STK32A: variants seen among roughly 807,000 people sequenced by gnomAD.
The protein encoded by STK32A is serine/threonine-protein kinase 32A.
In STK32A, 41 loss-of-function variants were observed where a neutral mutation model predicts 53.2. That is an observed-to-expected ratio of 0.77 (90% CI 0.60 to 1.00). STK32A has a LOEUF of 1.00. Among genes scored for constraint, STK32A ranks in the 50% least tolerant of loss-of-function variants. The pLI is 0.00. For synonymous variants in STK32A, 166 were observed against 162.8 expected (o/e 1.02, Z -0.15); for missense variants, 458 against 485.8 (o/e 0.94, Z 0.54).
At chr5:147,328,051 C>A (rs1467031418) in intron 5 of STK32A, among the ~76,000 whole-genome samples, 1 of 152,156 alleles carries the variant, frequency 6.6e-6, no homozygotes, top group African/African-American at 2.4e-5. Context: ...AAACTAGAAG[C>A]TAAATTGTGT....
At chr5:147,400,500 AG>A in the STK32A span, among the ~76,000 whole-genome samples, 1 of 152,228 alleles carries the variant, frequency 6.6e-6, no homozygotes, top group African/African-American at 2.4e-5. Flanking sequence ...TCAGAATGCT[AG>A]GCCTTAGGAT....
chr5:147,299,002 C>T (rs1753000747), intron 4 of STK32A, among the ~76,000 whole-genome samples: 1 of 152,050 alleles, frequency 6.6e-6, no homozygotes, highest in Admixed American at 6.6e-5. Flanking sequence ...TACAGGAAAG[C>T]AGTCCTGATC....
At chr5:147,348,793 G>T in intron 6 of STK32A, 1 of 731,094 alleles carries the variant, frequency 1.4e-6, no homozygotes, top group South Asian at 1.5e-5. Flanking sequence ...TTCTGATAAT[G>T]ACGGATATCA....
intron 6 of STK32A, among the ~76,000 whole-genome samples, chr5:147,344,212 C>T (rs1366691514): frequency 6.6e-6 from 1 of 152,138 alleles, no homozygotes; most frequent in Non-Finnish European, 1.5e-5. Flanking sequence ...CCATCTATTG[C>T]TCATTATTTA....
chr5:147,306,085 T>C (rs1581067101), intron 4 of STK32A, among the ~76,000 whole-genome samples: 2 of 152,130 alleles, frequency 1.3e-5, no homozygotes, highest in Non-Finnish European at 1.5e-5. Context: ...GTATGAAAAG[T>C]CAAGTTGCTC....
intron 4 of STK32A, among the ~76,000 whole-genome samples, chr5:147,302,284 C>T (rs747489612): frequency 1.3e-5 from 2 of 152,114 alleles, no homozygotes; most frequent in South Asian, 4.1e-4. Flanking sequence ...CTGTTATCAA[C>T]ATAAAGTAAT....
intron 5 of STK32A, among the ~76,000 whole-genome samples, chr5:147,325,346 T>G: frequency 6.6e-6 from 1 of 151,970 alleles, no homozygotes; most frequent in East Asian, 1.9e-4. Flanking sequence ...AGAGATGGGG[T>G]TTCACCATGT....
At chr5:147,265,194 GA>G (rs1240971973) in intron 2 of STK32A, among the ~76,000 whole-genome samples, 1 of 150,472 alleles carries the variant, frequency 6.6e-6, no homozygotes, top group African/African-American at 2.4e-5. Flanking sequence ...TTGAAGCTCA[GA>G]AAAGTCAGAT....
chr5:147,397,875 A>G, the STK32A span: 3 of 1,556,690 alleles, frequency 1.9e-6, no homozygotes, highest in Non-Finnish European at 2.6e-6. Flanking sequence ...GCAAAGCCAC[A>G]GTAAGGGTAG....
chr5:147,287,918 T>C (rs1033320397), intron 4 of STK32A, among the ~76,000 whole-genome samples: 3 of 152,122 alleles, frequency 2.0e-5, no homozygotes, highest in African/African-American at 7.2e-5. Flanking sequence ...CTCATATTTG[T>C]CTTTCATCGC....
At chr5:147,353,954 A>G (rs1756103352) in intron 7 of STK32A, among the ~76,000 whole-genome samples, 1 of 152,102 alleles carries the variant, frequency 6.6e-6, no homozygotes, top group African/African-American at 2.4e-5. Context: ...AATCAAGGAC[A>G]AGAGCAATGC....
chr5:147,375,346 A>G, intron 11 of STK32A, 128 bp downstream of exon 11: 1 of 1,249,724 alleles, frequency 8.0e-7, no homozygotes, highest in South Asian at 1.7e-5. Context: ...GGAGAAGTAG[A>G]TCAGCCGGGT....
intron 8 of STK32A, among the ~76,000 whole-genome samples, chr5:147,365,137 C>T (rs897893096): frequency 4.6e-5 from 7 of 152,112 alleles, no homozygotes; most frequent in African/African-American, 7.2e-5. Flanking sequence ...ATGCCATCTC[C>T]CAAGTAATTA....
chr5:147,342,844 C>A, intron 5 of STK32A, 162 bp from the exon 6 acceptor site: 1 of 601,746 alleles, frequency 1.7e-6, no homozygotes, highest in Non-Finnish European at 2.9e-6. Context: ...TGGGGATTTT[C>A]TGTCTCATAA....
At chr5:147,394,618 T>TG in the STK32A span, among the ~76,000 whole-genome samples, 25,168 of 151,714 alleles carry the variant, frequency 0.17, 2,387 homozygotes, top group East Asian at 0.27. Flanking sequence ...AATGTGTGCT[T>TG]GGGTCTATTC....
chr5:147,242,776 A>C (rs1003452804), intron 2 of STK32A, among the ~76,000 whole-genome samples: 2 of 152,202 alleles, frequency 1.3e-5, no homozygotes, highest in African/African-American at 4.8e-5. Flanking sequence ...GATTGATTTG[A>C]GGAGAAAAAG....
At chr5:147,247,232 G>GCA (rs1753801450) in intron 2 of STK32A, among the ~76,000 whole-genome samples, 1 of 152,210 alleles carries the variant, frequency 6.6e-6, no homozygotes, top group East Asian at 1.9e-4. Flanking sequence ...CGATTAGAGT[G>GCA]ACCAGTGTTA....
At chr5:147,357,682 C>A (rs778429755) in intron 7 of STK32A, among the ~76,000 whole-genome samples, 1 of 151,948 alleles carries the variant, frequency 6.6e-6, no homozygotes, top group African/African-American at 2.4e-5. Context: ...GACCTTCTTA[C>A]CAGATTTTAG....
At chr5:147,378,838 G>GTTT (rs1757334498) in intron 11 of STK32A, among the ~76,000 whole-genome samples, 1 of 48,702 alleles carries the variant, frequency 2.1e-5, no homozygotes, top group Admixed American at 3.4e-4. Context: ...AATGCCTCCA[G>GTTT]TCTTTTTTTT....
Sources: allele counts gnomAD v4.1 joint callset (sites outside exome capture counted in the v4.1 genomes callset), GRCh38; gene constraint gnomAD v4.1.1; transcripts MANE v1.5; gene names NCBI Gene and HGNC (gene_info 2026-07-23, HGNC 2026-07-21).